Variants in JUP observed in about 807,000 individuals in gnomAD.
JUP encodes the protein catenin (cadherin-associated protein), gamma 80kDa.
In JUP, 28 loss-of-function variants were observed where a neutral mutation model predicts 71.1. The ratio of observed to expected loss-of-function variants is 0.39; its 90% confidence interval spans 0.29 to 0.54. JUP has a LOEUF of 0.54. Ranked by LOEUF, JUP falls within the 20% of genes least tolerant of loss-of-function variation. JUP has a pLI of 0.62. For missense variants in JUP, 869 were observed against 1,030.1 expected, an observed-to-expected ratio of 0.84 and a Z score of 2.14; for synonymous variants, 401 against 438.9, an observed-to-expected ratio of 0.91 and a Z score of 1.08.
chr17:41,771,514 C>A, intron 2 of JUP, 133 bp downstream of exon 2: 1 of 786,558 alleles, frequency 1.3e-6, no homozygotes, highest in Non-Finnish European at 2.1e-6. Flanking sequence ...ACTGGGTGGG[C>A]CCCTAGTTAG....
Position 41,764,756 on chromosome 17 carries a change from C to G in JUP, c.1115G>C (p.Cys372Ser). Residue 372 changes from cysteine (C) to serine (S), a missense_variant, in exon 7 of 14, where the codon TGC becomes TCC. Physicochemically the swap from Cys to Ser is moderately radical, Grantham distance 112 (BLOSUM62 -1). Coordinates refer to ENST00000393931, the MANE Select transcript of JUP (RefSeq NM_002230.4). ...TSNSPRLVQNCLWTLRNLSDV... is the reference protein window; with the variant it reads ...TSNSPRLVQNSLWTLRNLSDV... Reference sequence around the variant, plus strand: ...TGAGAGGTTGCGCAGGGTCCACAGGCAGTTCTGCACCAGGCGGGGGCTGTT... The same window carrying G: ...TGAGAGGTTGCGCAGGGTCCACAGGGAGTTCTGCACCAGGCGGGGGCTGTT... 1 of 1,613,468 alleles carries G rather than the reference C, an allele frequency of 6.2e-7. No homozygotes were observed. Among genetic ancestry groups the G allele is most frequent in the South Asian group, 1.1e-5 (1 of 91,052 alleles).
chr17:41,756,354 C>G, intron 12 of JUP, 140 bp from the exon 13 acceptor site: 1 of 787,470 alleles, frequency 1.3e-6, no homozygotes. Flanking sequence ...AATCCCAGCA[C>G]TCTGGGAGAC....
chr17:41,773,614 C>A lies in JUP; in HGVS notation c.-8-1752G>T, dbSNP rs539055544. 5.3e-5 allele frequency among the ~76,000 whole-genome samples: 8 copies of A among 152,306 alleles called. No homozygotes were observed. The East Asian group carries it at 1.5e-3, about 29-fold the overall frequency. On this transcript the variant is annotated intron_variant, in intron 1 of 13. Coordinates refer to ENST00000393931, the MANE Select transcript of JUP (RefSeq NM_002230.4). The stretch of plus-strand genomic sequence containing the variant: ...CCCCCCAACCAGCCCCCTTTCCACA[C>A]GCACCCCTTCCCCACACCCCTTCCC...
Position 41,765,051 on chromosome 17 carries a change from T to A in JUP, c.926A>T (p.Asn309Ile), listed in dbSNP as rs140606359. Residue 309 changes from asparagine (N) to isoleucine (I), a missense_variant, in exon 6 of 14, where the codon AAT becomes ATT. Transcript: ENST00000393931. ...CTGCACGAGGGCCTGGGGCCCACCA[T>A]TGGCCAGGATGATCAGCTATGGGTA... ...NQESKLIILA[N>I]GGPQALVQIM... is the part of the protein sequence containing the mutation. 36 of 1,613,958 alleles carry A rather than the reference T, an allele frequency of 2.2e-5. No individual in the cohort carries two copies. In the South Asian group the frequency reaches 3.8e-4, roughly 17 times the overall value.
At chr17:41,762,863 A>T (rs1289094965) in intron 8 of JUP, 120 bp downstream of exon 8, 1 of 765,782 alleles carries the variant, frequency 1.3e-6, no homozygotes, top group Non-Finnish European at 2.2e-6. Flanking sequence ...GAGAGAAATA[A>T]ACTTCTGTCT....
chr17:41,769,162 T>C lies in JUP; in HGVS notation c.514A>G (p.Lys172Glu), dbSNP rs782505423. 4 of 1,604,752 alleles carry C rather than the reference T, an allele frequency of 2.5e-6. No homozygotes were observed. In the South Asian group the frequency reaches 3.3e-5, roughly 13 times the overall value. Reference protein sequence around the residue: ...AAMIVNQLSKKEASRRALMGS... With the variant: ...AAMIVNQLSKEEASRRALMGS... ...ATCAGGGCCCGCCGCGACGCCTCCT[T>C]CTTCGACAGCTGGTTCACAATCATG... The change falls in exon 4 of 14, where the codon AAG becomes GAG. Residue 172 changes from lysine (K) to glutamate (E), a missense_variant. Lys to Glu is a moderately conservative substitution (Grantham distance 56). Coordinates refer to ENST00000393931, the MANE Select transcript of JUP (RefSeq NM_002230.4).
chr17:41,771,726 C>T lies in JUP; in HGVS notation c.129G>A (p.Met43Ile), dbSNP rs1555606996. 7.4e-6 allele frequency: 12 copies of T among 1,614,170 alleles called. No homozygotes were observed. Among genetic ancestry groups the T allele is most frequent in the Non-Finnish European group, 1.0e-5 (12 of 1,180,030 alleles). Residue 43 changes from methionine (M) to isoleucine (I), a missense_variant, in exon 2 of 14, where the codon ATG becomes ATA. Transcript: ENST00000393931. The part of the protein sequence containing the change: ...CVPSVSSKGI[M>I]EEDEACGRQY... ...GGCGCCCGCAGGCCTCATCCTCCTCCATGATGCCCTTGCTGCTGACGGAGG... is the reference window on the plus strand; with the variant it reads ...GGCGCCCGCAGGCCTCATCCTCCTCTATGATGCCCTTGCTGCTGACGGAGG...
chr17:41,777,275 G>A (rs1441091973), intron 1 of JUP, among the ~76,000 whole-genome samples: 6 of 152,174 alleles, frequency 3.9e-5, no homozygotes, highest in Non-Finnish European at 7.4e-5. Context: ...AGGGGCAGCT[G>A]CACAGCCAGG....
rs200019016 is a variant in JUP, at chr17:41,763,267, C to T, written c.1213G>A (p.Val405Ile). 72 of 1,614,228 alleles carry T rather than the reference C, an allele frequency of 4.5e-5. No individual in the cohort carries two copies. The highest frequency in any genetic ancestry group is 3.2e-4 in the Admixed American group (19 of 60,036). Reference protein sequence around the residue: ...ILVNQLSVDDVNVLTCATGTL... With the variant: ...ILVNQLSVDDINVLTCATGTL... ...CCCGTGGCACAGGTGAGGACGTTGACGTCATCCACACTCAGCTGATTCACC... is the reference window on the plus strand; with the variant it reads ...CCCGTGGCACAGGTGAGGACGTTGATGTCATCCACACTCAGCTGATTCACC... Residue 405 changes from valine to isoleucine, a missense_variant, in exon 8 of 14, where the codon GTC becomes ATC. Val to Ile is a conservative substitution (Grantham distance 29). Coordinates refer to ENST00000393931, the MANE Select transcript of JUP (RefSeq NM_002230.4).
chr17:41,778,036 A>G (rs1268852348), intron 1 of JUP, among the ~76,000 whole-genome samples: 1 of 152,136 alleles, frequency 6.6e-6, no homozygotes, highest in African/African-American at 2.4e-5. Context: ...CGCAAAATAC[A>G]CAAGTACTCT....
At chr17:41,781,797 T>C (rs567901756) in intron 1 of JUP, among the ~76,000 whole-genome samples, 2 of 152,302 alleles carry the variant, frequency 1.3e-5, no homozygotes, top group South Asian at 4.1e-4. Context: ...CCTCTCCCTC[T>C]TATTTCTCAA....
intron 1 of JUP, among the ~76,000 whole-genome samples, chr17:41,784,144 A>T (rs1211217107): frequency 1.3e-5 from 2 of 152,062 alleles, no homozygotes; most frequent in Admixed American, 6.6e-5. Context: ...CCTTCTGTAG[A>T]CTAGTCAATT....
intron 1 of JUP, chr17:41,772,930 C>G (rs556505480): frequency 1.0e-6 from 1 of 985,446 alleles, no homozygotes; most frequent in Non-Finnish European, 1.2e-6. Context: ...TCAGAGGCTG[C>G]GGGGAGAATG....
chr17:41,776,750 T>C (rs1411965357), intron 1 of JUP, among the ~76,000 whole-genome samples: 3 of 152,136 alleles, frequency 2.0e-5, no homozygotes, highest in Non-Finnish European at 4.4e-5. Context: ...CTCACGCCTG[T>C]AATCCCAGCA....
intron 5 of JUP, 144 bp downstream of exon 5, chr17:41,767,235 G>T (rs1200110140): frequency 1.9e-5 from 13 of 675,748 alleles, no homozygotes; most frequent in African/African-American, 1.8e-4. Context: ...ATAATTCTGG[G>T]CAATTCAGTC....
chr17:41,779,806 C>G (rs1308703471), intron 1 of JUP, among the ~76,000 whole-genome samples: 1 of 151,234 alleles, frequency 6.6e-6, no homozygotes, highest in African/African-American at 2.4e-5. Context: ...GCTAGGACCA[C>G]GTGCACATGC....
intron 7 of JUP, among the ~76,000 whole-genome samples, chr17:41,764,364 G>C (rs1270812129): frequency 2.0e-5 from 3 of 151,936 alleles, no homozygotes; most frequent in African/African-American, 7.3e-5. Context: ...GTGAAACCCT[G>C]TCTCTAATAA....
Position 41,755,302 on chromosome 17 carries a change from G to A in JUP, c.*442C>T. 1 of 400,658 alleles carries A rather than the reference G, an allele frequency of 2.5e-6. No homozygotes were observed. Among genetic ancestry groups the A allele is most frequent in the Non-Finnish European group, 4.4e-6 (1 of 227,550 alleles). The allele number at this position is 400,658 out of a possible 1,614,324, so 24.8% of individuals were successfully genotyped here. ...AAGCAGGAGCAGAACACTATCCCAA[G>A]AAAGACCCTACGGAGGACCTCTGGA... On this transcript the variant is annotated 3_prime_UTR_variant, in exon 14 of 14. Coordinates refer to ENST00000393931, the MANE Select transcript of JUP (RefSeq NM_002230.4).
In JUP at chr17:41,755,794, T is replaced by C. The variant is rs1009184280; in HGVS notation, c.2188A>G (p.Ser730Gly). ...MDGDYPIDTY[S>G]DGLRPPYPTA... Reference sequence around the variant, plus strand: ...GGGTACGGGGGCCTGAGGCCGTCGCTGTAGGTGTCGATGGGGTAGTCTCCA... The same window carrying C: ...GGGTACGGGGGCCTGAGGCCGTCGCCGTAGGTGTCGATGGGGTAGTCTCCA... Residue 730 changes from serine (S) to glycine (G), a missense_variant, in exon 14 of 14, where the codon AGC (serine) becomes GGC (glycine). Transcript: ENST00000393931. 3.7e-6 allele frequency: 6 copies of C among 1,612,850 alleles called. No individual in the cohort carries two copies. Among genetic ancestry groups the C allele is most frequent in the Non-Finnish European group, 5.1e-6 (6 of 1,179,372 alleles).
Sources: gnomAD v4.1 joint callset for allele counts (sites outside exome capture counted in the v4.1 genomes callset) on GRCh38, gnomAD v4.1.1 for gene constraint, MANE v1.5 for transcripts, NCBI Gene and HGNC (gene_info 2026-07-23, HGNC 2026-07-21) for gene names.